Variants in RBM33 observed in about 807,000 individuals in gnomAD.
The protein encoded by RBM33 is RNA-binding protein 33.
Under a neutral mutation model 132.6 loss-of-function variants are expected in RBM33, and 28 were observed. That is an observed-to-expected ratio of 0.21 (90% confidence interval 0.16 to 0.29). The LOEUF is 0.29. Among genes scored for constraint, RBM33 ranks in the 10% least tolerant of loss-of-function variants. The pLI, the probability that RBM33 is intolerant of heterozygous loss-of-function variation, is 1.00. For synonymous variants in RBM33, 634 were observed against 593.0 expected (o/e 1.07, Z -1.01); for missense variants, 1,291 against 1,518.5 (o/e 0.85, Z 2.49).
chr7:155,647,937 A>G (rs751525632), intron 1 of RBM33, among the ~76,000 whole-genome samples: 7 of 152,206 alleles, frequency 4.6e-5, no homozygotes, highest in Non-Finnish European at 7.3e-5. Flanking sequence ...TGTAAAATAT[A>G]AAATAAAAAA....
At chr7:155,645,508 T>C (rs1348954688) in intron 1 of RBM33, among the ~76,000 whole-genome samples, 2 of 152,258 alleles carry the variant, frequency 1.3e-5, no homozygotes, top group African/African-American at 4.8e-5. Context: ...GTGTTTTATG[T>C]GCGTCTTCCA....
rs563098249 is a variant in RBM33 at position 155,676,741 on chromosome 7, G to A, written c.172-1867G>A. Among the ~76,000 whole-genome samples, 218 of 152,336 alleles carry A rather than the reference G, an allele frequency of 1.4e-3. 4 individuals carry two copies. Among genetic ancestry groups the A allele is most frequent in the African/African-American group, 5.0e-3 (208 of 41,572 alleles). ...TCGCTCCAGTTCTTTAGGATGTGTTGAAATCAGCTTTGGCCTCAAGGATGT... is the reference window on the plus strand; with the variant it reads ...TCGCTCCAGTTCTTTAGGATGTGTTAAAATCAGCTTTGGCCTCAAGGATGT... On this transcript the variant is annotated intron_variant, in intron 3 of 17. Coordinates refer to ENST00000401878, the MANE Select transcript of RBM33 (RefSeq NM_053043.3).
intron 7 of RBM33, among the ~76,000 whole-genome samples, chr7:155,709,314 A>G (rs1234030312): frequency 6.6e-6 from 1 of 152,176 alleles, no homozygotes; most frequent in Admixed American, 6.5e-5. Flanking sequence ...CCCCTTAAAT[A>G]CTTCCTGGTT....
chr7:155,661,165 A>G lies in RBM33; in HGVS notation c.44-4010A>G, dbSNP rs1451046151. On this transcript the variant is annotated intron_variant, in intron 1 of 17. Transcript: ENST00000401878. ...ATATATATTTTTTTTTTTTTGAGAC[A>G]GAGTCTCACTCTTGCCAGGCTGGAA... Among the ~76,000 whole-genome samples the G allele has an allele frequency of 8.6e-4, 47 of 54,846 alleles. 2 individuals carry two copies. Among genetic ancestry groups the G allele is most frequent in the Non-Finnish European group, 1.7e-3 (35 of 20,158 alleles). The allele number at this position is 54,846 out of a possible 152,430, so 36.0% of individuals were successfully genotyped here.
At chr7:155,742,303 G>GTTCA (rs113803262) in intron 13 of RBM33, among the ~76,000 whole-genome samples, 197 bp downstream of exon 13, 2 of 150,728 alleles carry the variant, frequency 1.3e-5, no homozygotes, top group Non-Finnish European at 3.0e-5. Context: ...CAAGATTAGA[G>GTTCA]TTTATATATT....
At position 155,698,484 on chromosome 7, in the gene RBM33, G is replaced by T. The variant is rs183598713; in HGVS notation, c.568-2289G>T. ...CCCATATTTAGAATAAGAGGCTGAA[G>T]AATTAAGTCTAGCTTAGTGGATGTT... On this transcript the variant is annotated intron_variant, in intron 5 of 17. Coordinates refer to ENST00000401878, the MANE Select transcript of RBM33 (RefSeq NM_053043.3). 1.7e-3 allele frequency among the ~76,000 whole-genome samples: 259 copies of T among 152,332 alleles called. 3 individuals carry two copies. The highest frequency in any genetic ancestry group is 0.015 in the Admixed American group (232 of 15,304).
chr7:155,672,905 C>A lies in RBM33; in HGVS notation c.161C>A (p.Ser54Tyr). Residue 54 changes from serine (S) to tyrosine (Y), a missense_variant, in exon 3 of 18, where the codon TCT becomes TAT. Ser to Tyr is a moderately radical substitution (Grantham distance 144). Around this residue, in one of 7 missense-constraint regions of RBM33, gnomAD observed 194 missense variants for 249.8 expected, o/e 0.78. Transcript: ENST00000401878. ...EDDLLGEDLL[S>Y]GKKNQSDLSD... ...GATTTACTTGGAGAAGATTTGCTAT[C>A]TGGCAAAAAGGTAAGAAGTTTATGT... The A allele has an allele frequency of 6.5e-7, 1 of 1,547,546 alleles. No individual in the cohort carries two copies. Among genetic ancestry groups the A allele is most frequent in the Middle Eastern group, 1.7e-4 (1 of 5,946 alleles).
rs975455578 is a variant in RBM33 at position 155,781,385 on chromosome 7, G to A, written c.*6344G>A. 3.9e-5 allele frequency: 6 copies of A among 152,216 alleles called. No homozygotes were observed. The highest frequency in any genetic ancestry group is 8.8e-5 in the Non-Finnish European group (6 of 68,040). 9.4% of individuals were successfully genotyped at this position (152,216 alleles called of 1,614,324 possible). On this transcript the variant is annotated 3_prime_UTR_variant, in exon 18 of 18. Coordinates refer to ENST00000401878, the MANE Select transcript of RBM33 (RefSeq NM_053043.3). ...GTAGTTGAAAGGAAAATGTACTGTTGTGTGTTTCATTTGTGTGATTTCGTA... is the reference window on the plus strand; with the variant it reads ...GTAGTTGAAAGGAAAATGTACTGTTATGTGTTTCATTTGTGTGATTTCGTA...
rs556804217 is a variant in RBM33, at chr7:155,742,635, T to A, written c.2337+529T>A. 2.6e-4 allele frequency among the ~76,000 whole-genome samples: 40 copies of A among 152,324 alleles called. 1 individual carries two copies. Among genetic ancestry groups the A allele is most frequent in the Admixed American group, 2.4e-3 (37 of 15,302 alleles). On this transcript the variant is annotated intron_variant, in intron 13 of 17. Coordinates refer to ENST00000401878, the MANE Select transcript of RBM33 (RefSeq NM_053043.3). ...ATTTACACTATTAACCTCTAGAAGATAGGACCAATTTTCTTGTTGGTCTTT... is the reference window on the plus strand; with the variant it reads ...ATTTACACTATTAACCTCTAGAAGAAAGGACCAATTTTCTTGTTGGTCTTT...
intron 3 of RBM33, among the ~76,000 whole-genome samples, chr7:155,673,823 A>G (rs560258510): frequency 1.4e-4 from 21 of 149,424 alleles, no homozygotes; most frequent in African/African-American, 4.9e-4. Context: ...TATTTCGGAC[A>G]TTATAAAACA....
intron 14 of RBM33, among the ~76,000 whole-genome samples, chr7:155,748,013 A>C (rs1365506672): frequency 6.6e-6 from 1 of 152,158 alleles, no homozygotes. Context: ...TTCTCTGCAT[A>C]TGGGGGCTGT....
At chr7:155,667,607 T>C (rs902030301) in intron 2 of RBM33, among the ~76,000 whole-genome samples, 4 of 152,172 alleles carry the variant, frequency 2.6e-5, no homozygotes, top group Non-Finnish European at 4.4e-5. Flanking sequence ...CCATTTATCT[T>C]GGGTTTGCTG....
rs1801494870 is a variant in RBM33, at chr7:155,745,684, GAA to G, written c.2979+84_2979+85del. 7.5e-7 allele frequency: 1 copy of G among 1,337,932 alleles called. No individual in the cohort carries two copies. Among genetic ancestry groups the G allele is most frequent in the Admixed American group, 2.9e-5 (1 of 34,774 alleles). 82.9% of individuals were successfully genotyped at this position (1,337,932 alleles called of 1,614,324 possible). A position where few individuals can be genotyped will look rare whatever the true frequency, so the allele number is the denominator to read the frequency against. On this transcript the variant is annotated intron_variant, in intron 14 of 17. Transcript: ENST00000401878. The surrounding 1 kb of genome is among the most constrained non-coding windows in gnomAD (Gnocchi z 4.1). ...CTCATTTGCAGAGAATGTTTTTGAA[GAA>G]AGAATTAAAAGTTACCTCTGTTATA... is the stretch of plus-strand genomic sequence containing the variant.
At chr7:155,684,587 TCTG>T (rs1799420742) in intron 5 of RBM33, among the ~76,000 whole-genome samples, 1 of 152,212 alleles carries the variant, frequency 6.6e-6, no homozygotes, top group Non-Finnish European at 1.5e-5. Flanking sequence ...TCAGCCCCCT[TCTG>T]CTGCTGAGCT....
chr7:155,764,247 C>T (rs1014190920), intron 15 of RBM33, among the ~76,000 whole-genome samples: 4 of 152,190 alleles, frequency 2.6e-5, no homozygotes, highest in African/African-American at 9.7e-5. Flanking sequence ...CGCAGCCAGC[C>T]AGGAGTGCGA....
At chr7:155,710,303 C>T (rs752281463) in intron 7 of RBM33, among the ~76,000 whole-genome samples, 1 of 152,172 alleles carries the variant, frequency 6.6e-6, no homozygotes, top group Non-Finnish European at 1.5e-5. Context: ...CGGCTTTTCT[C>T]CTTTCCAGCT....
rs764285908 is a variant in RBM33 at position 155,735,087 on chromosome 7, T to C, written c.1261-2443T>C. On this transcript the variant is annotated intron_variant, in intron 9 of 17. Transcript: ENST00000401878. ...GGACCATTGTAAGTCAGGAACTGTC[T>C]GTATATGTCAGAATCATATTGATAT... Among the ~76,000 whole-genome samples the C allele has an allele frequency of 3.0e-4, 45 of 152,320 alleles. 1 individual carries two copies. Among genetic ancestry groups the C allele is most frequent in the Middle Eastern group, 3.4e-3 (1 of 294 alleles).
intron 9 of RBM33, among the ~76,000 whole-genome samples, chr7:155,724,542 C>G (rs1042009644): frequency 1.3e-5 from 2 of 152,130 alleles, no homozygotes; most frequent in African/African-American, 4.8e-5. Context: ...AAGAACGAAA[C>G]AAAACAAAAC....
At chr7:155,766,874 A>G (rs981955167) in intron 16 of RBM33, 2 of 576,230 alleles carry the variant, frequency 3.5e-6, no homozygotes, top group East Asian at 3.0e-5. Context: ...ATTTTAAGAA[A>G]TAAATACCCC....
Sources: gnomAD v4.1 joint callset for allele counts (sites outside exome capture counted in the v4.1 genomes callset) on GRCh38, gnomAD v4.1.1 for gene constraint, gnomAD v4.1.1 regional missense constraint, Gnocchi (gnomAD v3.1) non-coding constraint, MANE v1.5 for transcripts, NCBI Gene and HGNC (gene_info 2026-07-23, HGNC 2026-07-21) for gene names.